ZNF423: variants seen among roughly 807,000 people sequenced by gnomAD.
ZNF423 encodes the protein zinc finger protein 423, also known as Ebf-associated zinc finger protein.
In ZNF423, 12 loss-of-function variants were observed where a neutral mutation model predicts 95.8. The ratio of observed to expected loss-of-function variants is 0.13; its 90% CI spans 0.08 to 0.20. The LOEUF (loss-of-function observed/expected upper bound fraction) is 0.20. ZNF423 is among the 10% of genes least tolerant of loss of function. The probability of loss-of-function intolerance (pLI) is 1.00; values close to 1 mark genes in which losing one functional copy is unlikely to be tolerated. For missense variants in ZNF423, 1,316 were observed against 1,737.1 expected (o/e 0.76, Z 4.31); for synonymous variants, 749 against 711.9 (o/e 1.05, Z -0.83).
At chr16:49,768,020 T>C (rs536017265) in intron 2 of ZNF423, among the ~76,000 whole-genome samples, 1 of 152,366 alleles carries the variant, frequency 6.6e-6, no homozygotes, top group Admixed American at 6.5e-5. Context: ...AAAGACCATT[T>C]CTTAATTAAC....
chr16:49,513,410 T>C (rs1323854630), intron 7 of ZNF423, among the ~76,000 whole-genome samples: 3 of 152,252 alleles, frequency 2.0e-5, no homozygotes, highest in African/African-American at 7.2e-5. Flanking sequence ...AGAGCACTTT[T>C]GATTTTTAAT....
At position 49,491,141 on chromosome 16, in the gene ZNF423, G is replaced by A. The variant is rs995053955; in HGVS notation, c.*134C>T. ...ATTTCCAGCTGCTTATAATAGCAGC[G>A]CCTCATGGCCAAATCATTAGAGTTT... On this transcript the variant is annotated 3_prime_UTR_variant, in exon 8 of 8. Coordinates refer to ENST00000563137, the MANE Select transcript of ZNF423 (RefSeq NM_001379286.1). 5 of 998,256 alleles carry A rather than the reference G, an allele frequency of 5.0e-6. No homozygotes were observed. Among genetic ancestry groups the A allele is most frequent in the Admixed American group, 1.8e-5 (1 of 57,140 alleles). 61.8% of individuals were successfully genotyped at this position (998,256 alleles called of 1,614,324 possible).
intron 2 of ZNF423, among the ~76,000 whole-genome samples, chr16:49,731,674 T>C (rs1361250779): frequency 1.3e-5 from 2 of 151,996 alleles, no homozygotes; most frequent in African/African-American, 4.8e-5. Context: ...TTTTTTTTAA[T>C]TAGCCTGGTA....
At chr16:49,506,036 C>T (rs1967618941) in intron 7 of ZNF423, among the ~76,000 whole-genome samples, 1 of 152,130 alleles carries the variant, frequency 6.6e-6, no homozygotes, top group Non-Finnish European at 1.5e-5. Flanking sequence ...ACTCATCTCA[C>T]CAGAGGGGTG....
chr16:49,709,732 C>T (rs1315022716), intron 3 of ZNF423, among the ~76,000 whole-genome samples: 2 of 152,094 alleles, frequency 1.3e-5, no homozygotes, highest in African/African-American at 4.8e-5. Context: ...ATCAAAAAGC[C>T]CCAACATAGC....
chr16:49,599,475 C>A (rs1382380265), intron 5 of ZNF423, among the ~76,000 whole-genome samples: 1 of 151,964 alleles, frequency 6.6e-6, no homozygotes, highest in African/African-American at 2.4e-5. Flanking sequence ...GGTTAAGGAA[C>A]CTGCAGAAGG....
chr16:49,671,472 G>A (rs1246996231), intron 3 of ZNF423, among the ~76,000 whole-genome samples: 1 of 152,184 alleles, frequency 6.6e-6, no homozygotes, highest in Non-Finnish European at 1.5e-5. Context: ...GGAATAGCAT[G>A]GGTGTGCATG....
At chr16:49,710,267 T>C (rs2032501571) in intron 3 of ZNF423, among the ~76,000 whole-genome samples, 1 of 152,134 alleles carries the variant, frequency 6.6e-6, no homozygotes, top group African/African-American at 2.4e-5. Flanking sequence ...TCACCAAAAT[T>C]CTTCTTCCAC....
At chr16:49,722,844 C>T (rs1430197964) in intron 3 of ZNF423, among the ~76,000 whole-genome samples, 1 of 152,112 alleles carries the variant, frequency 6.6e-6, no homozygotes, top group East Asian at 1.9e-4. Context: ...ACAACCTGAC[C>T]AGTGAGATGG....
At position 49,773,957 on chromosome 16, in the gene ZNF423, T is replaced by C. The variant is rs141777533; in HGVS notation, c.100+15530A>G. Among the ~76,000 whole-genome samples, 65 of 152,248 alleles carry C rather than the reference T, an allele frequency of 4.3e-4. 1 individual carries two copies. The highest frequency in any genetic ancestry group is 1.5e-3 in the African/African-American group (64 of 41,558). ...TACCAACTGGCTGGCCCCAAGTCTC[T>C]GCAAGAGCATGCAAGGAATGCCAGC... On this transcript the variant is annotated intron_variant, in intron 2 of 7. Coordinates refer to ENST00000563137, the MANE Select transcript of ZNF423 (RefSeq NM_001379286.1).
Position 49,602,106 on chromosome 16 carries a change from G to A in ZNF423, c.3601+24064C>T, listed in dbSNP as rs1353727845. Among the ~76,000 whole-genome samples the A allele has an allele frequency of 2.6e-5, 4 of 152,332 alleles. No individual in the cohort carries two copies. In the East Asian group the frequency reaches 7.7e-4, roughly 29 times the overall value. On this transcript the variant is annotated intron_variant, in intron 5 of 7. Transcript: ENST00000563137. ...AAAGCTATGCCAGCCTAGGCTCCCC[G>A]GCTTCCTGTCCTGGACCAGAGATGC...
intron 1 of ZNF423, among the ~76,000 whole-genome samples, chr16:49,795,382 C>T (rs561431181): frequency 1.4e-4 from 21 of 152,300 alleles, no homozygotes; most frequent in Admixed American, 1.2e-3. Context: ...TCCCTCATGG[C>T]GCTCACACTT....
Position 49,779,709 on chromosome 16 carries a change from A to G in ZNF423, c.100+9778T>C, listed in dbSNP as rs559221912. Among the ~76,000 whole-genome samples, 7 of 152,232 alleles carry G rather than the reference A, an allele frequency of 4.6e-5. No individual in the cohort carries two copies. In the East Asian group the frequency reaches 1.4e-3, roughly 30 times the overall value. On this transcript the variant is annotated intron_variant, in intron 2 of 7. Transcript: ENST00000563137. The stretch of plus-strand genomic sequence containing the variant: ...GCAGGCTTCAAGTCGCCAAAGAACT[A>G]TTGATTTCCAGTGTCCACCAGCAGG...
intron 7 of ZNF423, among the ~76,000 whole-genome samples, chr16:49,507,747 C>T (rs578231096): frequency 7.9e-5 from 12 of 152,260 alleles, no homozygotes; most frequent in Admixed American, 1.3e-4. Context: ...TTCTAGTGGC[C>T]CCTAGAATGT....
intron 3 of ZNF423, among the ~76,000 whole-genome samples, chr16:49,677,471 A>G (rs541887869): frequency 7.3e-4 from 110 of 151,594 alleles, no homozygotes; most frequent in Non-Finnish European, 6.9e-4. Context: ...AAGAGAAAAG[A>G]AAAGGAAAGG....
At chr16:49,620,603 C>A (rs1248585683) in intron 5 of ZNF423, among the ~76,000 whole-genome samples, 1 of 152,196 alleles carries the variant, frequency 6.6e-6, no homozygotes, top group Non-Finnish European at 1.5e-5. Flanking sequence ...GGCAAGCGTT[C>A]CTGACAAGAT....
At chr16:49,782,791 A>G (rs1281552014) in intron 2 of ZNF423, among the ~76,000 whole-genome samples, 2 of 152,094 alleles carry the variant, frequency 1.3e-5, no homozygotes, top group South Asian at 2.1e-4. Context: ...GGAGATTCCA[A>G]TGAGACTCTG....
At position 49,637,568 on chromosome 16, in the gene ZNF423, A is replaced by T; in HGVS notation, c.1608T>A (p.Thr536=). 2.5e-6 allele frequency: 4 copies of T among 1,614,052 alleles called. No homozygotes were observed. Among genetic ancestry groups the T allele is most frequent in the Non-Finnish European group, 3.4e-6 (4 of 1,180,016 alleles). ...GGATGTGCTCGGTGAGGGAGGACTC[A>T]GTAAGGAAACCCATGGAGCACTGGT... ...FCNQCSMGFL[T]ESSLTEHIQQ... The change falls in exon 4 of 8, where the codon ACT becomes ACA. Residue 536 remains threonine (T), a synonymous_variant. Coordinates refer to ENST00000563137, the MANE Select transcript of ZNF423 (RefSeq NM_001379286.1). This position sits in a 1 kb window ranked among gnomAD's most constrained non-coding sequence, Gnocchi z 5.6.
intron 1 of ZNF423, among the ~76,000 whole-genome samples, chr16:49,818,015 G>A (rs1456871637): frequency 2.0e-5 from 3 of 152,070 alleles, no homozygotes; most frequent in Admixed American, 6.6e-5. Context: ...TGCTGGGCAT[G>A]GTGAGCTGTA....
Sources: gnomAD v4.1 joint callset for allele counts (sites outside exome capture counted in the v4.1 genomes callset) on GRCh38, gnomAD v4.1.1 for gene constraint, Gnocchi (gnomAD v3.1) non-coding constraint, MANE v1.5 for transcripts, NCBI Gene and HGNC (gene_info 2026-07-23, HGNC 2026-07-21) for gene names.